The following WNT7A variants were observed in gnomAD, a reference collection of about 807,000 sequenced individuals.
WNT7A encodes the protein Wnt family member 7A.
WNT7A carries 16 observed loss-of-function variants against 28.2 expected under a neutral mutation model. That is an observed-to-expected ratio of 0.57 (90% CI 0.38 to 0.86). The LOEUF (loss-of-function observed/expected upper bound fraction) is 0.86. Among genes scored for constraint, WNT7A ranks in the 40% least tolerant of loss-of-function variants. The pLI is 0.00. For missense variants in WNT7A, 411 were observed against 489.7 expected, an observed-to-expected ratio of 0.84 and a Z score of 1.52; for synonymous variants, 190 against 195.9, an observed-to-expected ratio of 0.97 and a Z score of 0.25.
At chr3:13,874,339 A>T (rs1695069966) in intron 2 of WNT7A, among the ~76,000 whole-genome samples, 1 of 152,178 alleles carries the variant, frequency 6.6e-6, no homozygotes. Context: ...TTGCTTCAGA[A>T]GTCAAATGTG....
rs1043153257 is a variant in WNT7A, at chr3:13,880,019, C to T, written c.-203G>A. ...CGGAGCGGGAGGAGGGAGGGAGGAG[C>T]GAGCGCGGCGTGGGGCGACGCCGGG... On this transcript the variant is annotated 5_prime_UTR_variant, in exon 1 of 4. Transcript: ENST00000285018. 2 of 375,080 alleles carry T rather than the reference C, an allele frequency of 5.3e-6. No homozygotes were observed. The highest frequency in any genetic ancestry group is 9.4e-5 in the Admixed American group (2 of 21,352). The allele number at this position is 375,080 out of a possible 1,614,324, so 23.2% of individuals were successfully genotyped here. A position where few individuals can be genotyped will look rare whatever the true frequency, so the allele number is the denominator to read the frequency against.
At chr3:13,837,061 T>C (rs918308290) in intron 3 of WNT7A, among the ~76,000 whole-genome samples, 6 of 152,096 alleles carry the variant, frequency 3.9e-5, no homozygotes, top group Admixed American at 2.0e-4. Flanking sequence ...GTGTCTGGTT[T>C]TGGGGGTGTG....
chr3:13,851,884 C>T (rs998786075), intron 3 of WNT7A, among the ~76,000 whole-genome samples: 1 of 152,204 alleles, frequency 6.6e-6, no homozygotes, highest in East Asian at 1.9e-4. Flanking sequence ...ACAAAGGCCC[C>T]GAAATGCCAA....
chr3:13,838,002 G>A (rs188261246), intron 3 of WNT7A, among the ~76,000 whole-genome samples: 1 of 152,334 alleles, frequency 6.6e-6, no homozygotes, highest in Admixed American at 6.5e-5. Flanking sequence ...CCGGATGTGT[G>A]TGCAAAGACA....
chr3:13,818,573 G>A lies in WNT7A; in HGVS notation c.*371C>T, dbSNP rs539218995. The A allele has an allele frequency of 6.5e-6, 1 of 153,490 alleles. No individual in the cohort carries two copies. Among genetic ancestry groups the A allele is most frequent in the African/African-American group, 2.4e-5 (1 of 41,578 alleles). 9.5% of individuals were successfully genotyped at this position (153,490 alleles called of 1,614,324 possible). A position where few individuals can be genotyped will look rare whatever the true frequency, so the allele number is the denominator to read the frequency against. ...CAGTCCACTTTGATTGCAGAAAACG[G>A]ATCCCGACGAGGTGGAAGAATTCTT... On this transcript the variant is annotated 3_prime_UTR_variant, in exon 4 of 4. Transcript: ENST00000285018.
intron 2 of WNT7A, among the ~76,000 whole-genome samples, chr3:13,862,416 C>A (rs1694845023): frequency 6.6e-6 from 1 of 152,240 alleles, no homozygotes; most frequent in Non-Finnish European, 1.5e-5. Context: ...TACTGGAAAC[C>A]ACAAAGTGCA....
intron 2 of WNT7A, among the ~76,000 whole-genome samples, chr3:13,858,377 T>A (rs1424994692): frequency 6.6e-6 from 1 of 152,210 alleles, no homozygotes; most frequent in Admixed American, 6.5e-5. Context: ...CCAAGACTCC[T>A]GTGGTAATTT....
chr3:13,851,327 C>T (rs1301945914), intron 3 of WNT7A, among the ~76,000 whole-genome samples: 1 of 152,218 alleles, frequency 6.6e-6, no homozygotes, highest in Non-Finnish European at 1.5e-5. Context: ...TCTGCAGCCT[C>T]GTCACTCGTC....
At chr3:13,858,992 T>A (rs1694789162) in intron 2 of WNT7A, among the ~76,000 whole-genome samples, 1 of 152,182 alleles carries the variant, frequency 6.6e-6, no homozygotes, top group East Asian at 1.9e-4. Context: ...ATGGGTACAA[T>A]TACACAGCAC....
chr3:13,854,530 A>G lies in WNT7A; in HGVS notation c.570+2T>C. ...GCCCAGCTGCCCTCCCTGGCTTCCT[A>G]CCTTTCGGCCTGCCTCGTTGTTGTG... On this transcript the variant is annotated splice_donor_variant, in intron 3 of 3. Transcript: ENST00000285018. LOFTEE classifies it high-confidence loss of function. 1 of 1,613,948 alleles carries G rather than the reference A, an allele frequency of 6.2e-7. No individual in the cohort carries two copies. The highest frequency in any genetic ancestry group is 8.5e-7 in the Non-Finnish European group (1 of 1,180,026).
In WNT7A at chr3:13,817,460, ACACACACACACCG is replaced by A. The variant is rs1229932069; in HGVS notation, c.*1471_*1483del. ...CACACACACACACACACACACACAC[ACACACACACACCG>A]GAAATGCAAACGGACACATATTAGA... On this transcript the variant is annotated 3_prime_UTR_variant, in exon 4 of 4. Transcript: ENST00000285018. 1 of 122,878 alleles carries A rather than the reference ACACACACACACCG, an allele frequency of 8.1e-6. No homozygotes were observed. The highest frequency in any genetic ancestry group is 3.9e-5 in the African/African-American group (1 of 25,654). 7.6% of individuals were successfully genotyped at this position (122,878 alleles called of 1,614,324 possible).
intron 3 of WNT7A, among the ~76,000 whole-genome samples, chr3:13,821,725 A>G (rs555780444): frequency 6.6e-6 from 1 of 152,336 alleles, no homozygotes; most frequent in Non-Finnish European, 1.5e-5. Context: ...AAAACTGGAT[A>G]GTATTGTTTA....
chr3:13,828,314 G>A (rs575987932), intron 3 of WNT7A, among the ~76,000 whole-genome samples: 85 of 152,218 alleles, frequency 5.6e-4, no homozygotes, highest in African/African-American at 2.0e-3. Context: ...AAGCAGAGCT[G>A]AGAAATAGAG....
intron 2 of WNT7A, among the ~76,000 whole-genome samples, chr3:13,868,808 GA>G: frequency 1.0e-5 from 1 of 98,460 alleles, no homozygotes; most frequent in East Asian, 3.0e-4. Flanking sequence ...GAGAGAGAAA[GA>G]AAGAGAGAGA....
chr3:13,817,024 C>A lies in WNT7A; in HGVS notation c.*1920G>T, dbSNP rs1694015121. 1 of 152,200 alleles carries A rather than the reference C, an allele frequency of 6.6e-6. No individual in the cohort carries two copies. The highest frequency in any genetic ancestry group is 2.4e-5 in the African/African-American group (1 of 41,436). The allele number at this position is 152,200 out of a possible 1,614,324, so 9.4% of individuals were successfully genotyped here. ...ATTTGCCCATGCTGTGATCCAGGCT[C>A]AGTGTGGACACTGAGGAGTCAGACA... On this transcript the variant is annotated 3_prime_UTR_variant, in exon 4 of 4. Transcript: ENST00000285018.
Position 13,879,996 on chromosome 3 carries a change from G to C in WNT7A, c.-180C>G. Reference sequence around the variant, plus strand: ...CCTCGCCAGGAGCACGGGAGCCACGGAGCGGGAGGAGGGAGGGAGGAGCGA... The same window carrying C: ...CCTCGCCAGGAGCACGGGAGCCACGCAGCGGGAGGAGGGAGGGAGGAGCGA... On this transcript the variant is annotated 5_prime_UTR_variant, in exon 1 of 4. Coordinates refer to ENST00000285018, the MANE Select transcript of WNT7A (RefSeq NM_004625.4). 4.9e-6 allele frequency: 2 copies of C among 404,600 alleles called. No individual in the cohort carries two copies. The highest frequency in any genetic ancestry group is 4.2e-6 in the Non-Finnish European group (1 of 235,480). 25.1% of individuals were successfully genotyped at this position (404,600 alleles called of 1,614,324 possible).
chr3:13,828,165 T>C (rs949964800), intron 3 of WNT7A, among the ~76,000 whole-genome samples: 3 of 151,700 alleles, frequency 2.0e-5, no homozygotes, highest in African/African-American at 7.3e-5. Context: ...CTGAAGTGAG[T>C]CCTGGGGATT....
intron 3 of WNT7A, among the ~76,000 whole-genome samples, chr3:13,846,264 G>GA (rs1373344404): frequency 6.6e-6 from 1 of 152,256 alleles, no homozygotes; most frequent in Non-Finnish European, 1.5e-5. Flanking sequence ...CCTCAAATCA[G>GA]AGCATCTGTG....
At chr3:13,851,999 G>A (rs763427153) in intron 3 of WNT7A, among the ~76,000 whole-genome samples, 15 of 152,264 alleles carry the variant, frequency 9.9e-5, no homozygotes, top group Non-Finnish European at 2.2e-4. Flanking sequence ...TGAGGGAAAG[G>A]AGGGGATGCC....
Sources: allele counts gnomAD v4.1 joint callset (sites outside exome capture counted in the v4.1 genomes callset), GRCh38; gene constraint gnomAD v4.1.1; transcripts MANE v1.5; gene names NCBI Gene and HGNC (gene_info 2026-07-23, HGNC 2026-07-21).